Variants in ARL15 observed in about 807,000 individuals in gnomAD.
ARL15 encodes ADP-ribosylation factor-like protein 15.
In ARL15, 19 loss-of-function variants were observed where a neutral mutation model predicts 25.2. The observed-to-expected ratio is 0.75, with a 90% CI of 0.53 to 1.10. The LOEUF is 1.10. Among genes scored for constraint, ARL15 ranks in the 50% least tolerant of loss-of-function variants. ARL15 has a pLI of 0.00. For missense variants in ARL15, 220 were observed against 246.0 expected, an observed-to-expected ratio of 0.89 and a Z score of 0.71; for synonymous variants, 94 against 86.8, an observed-to-expected ratio of 1.08 and a Z score of -0.46.
intron 4 of ARL15, among the ~76,000 whole-genome samples, chr5:53,950,703 A>T (rs1184938181): frequency 6.6e-6 from 1 of 152,172 alleles, no homozygotes; most frequent in Non-Finnish European, 1.5e-5. Context: ...AGTTCATGTA[A>T]ACCAGTAGGT....
At chr5:53,959,452 G>A (rs1747288659) in intron 4 of ARL15, among the ~76,000 whole-genome samples, 1 of 152,132 alleles carries the variant, frequency 6.6e-6, no homozygotes, top group Admixed American at 6.5e-5. Context: ...ATATTTTGGT[G>A]GGGGAGATGA....
At chr5:53,951,461 T>A in intron 4 of ARL15, 1 of 469,094 alleles carries the variant, frequency 2.1e-6, no homozygotes, top group Non-Finnish European at 4.4e-6. Context: ...GTATTTATCT[T>A]CTTGCATACT....
intron 1 of ARL15, among the ~76,000 whole-genome samples, chr5:54,204,232 G>A (rs1422325364): frequency 6.6e-6 from 1 of 152,118 alleles, no homozygotes; most frequent in Non-Finnish European, 1.5e-5. Context: ...GTGAAGACAA[G>A]ACTGAACTTT....
intron 4 of ARL15, among the ~76,000 whole-genome samples, chr5:53,887,038 CA>C (rs938723821): frequency 2.0e-5 from 3 of 152,054 alleles, no homozygotes; most frequent in African/African-American, 7.3e-5. Context: ...TTGCAGACAC[CA>C]AAAGATTCGA....
chr5:54,093,452 A>G (rs1182379944), intron 4 of ARL15, among the ~76,000 whole-genome samples: 1 of 152,074 alleles, frequency 6.6e-6, no homozygotes, highest in Non-Finnish European at 1.5e-5. Flanking sequence ...CCCTGCACTC[A>G]CTTTGGCACA....
chr5:54,198,620 C>G (rs199693747), intron 1 of ARL15, among the ~76,000 whole-genome samples: 26,267 of 147,968 alleles, frequency 0.18, 3,003 homozygotes, highest in Admixed American at 0.3. Flanking sequence ...AGGAGAACTA[C>G]AAACCACTGC....
chr5:53,939,753 T>G (rs560080826), intron 4 of ARL15, among the ~76,000 whole-genome samples: 1 of 151,516 alleles, frequency 6.6e-6, no homozygotes, highest in East Asian at 2.0e-4. Context: ...TAAAATAAAA[T>G]AAAGAAAGAA....
intron 1 of ARL15, among the ~76,000 whole-genome samples, chr5:54,251,015 G>A (rs1301469938): frequency 1.3e-5 from 2 of 152,116 alleles, no homozygotes; most frequent in East Asian, 1.9e-4. Flanking sequence ...CTTTCAATCA[G>A]ATGCTATATT....
At chr5:54,084,045 G>C (rs1251317438) in intron 4 of ARL15, among the ~76,000 whole-genome samples, 1 of 152,172 alleles carries the variant, frequency 6.6e-6, no homozygotes, top group Non-Finnish European at 1.5e-5. Flanking sequence ...CCAAGGGGCT[G>C]AGTCGCCCAG....
chr5:54,304,967 G>T lies in ARL15; in HGVS notation c.48+5465C>A, dbSNP rs555399253. ...CTTTACAATTTCATAGTGCCTGTGG[G>T]CTCTACCCTTTGTAGCACATCATGG... On this transcript the variant is annotated intron_variant, in intron 1 of 4. Coordinates refer to ENST00000504924, the MANE Select transcript of ARL15 (RefSeq NM_019087.3). Among the ~76,000 whole-genome samples the T allele has an allele frequency of 8.6e-5, 13 of 152,016 alleles. No individual in the cohort carries two copies. The East Asian group carries it at 1.5e-3, about 18-fold the overall frequency.
Position 54,030,990 on chromosome 5 carries a change from C to A in ARL15, c.462+82212G>T, listed in dbSNP as rs545273824. Among the ~76,000 whole-genome samples, 796 of 152,272 alleles carry A rather than the reference C, an allele frequency of 5.2e-3. 3 individuals are homozygous for A. The highest frequency in any genetic ancestry group is 0.011 in the Admixed American group (174 of 15,302). On this transcript the variant is annotated intron_variant, in intron 4 of 4. Coordinates refer to ENST00000504924, the MANE Select transcript of ARL15 (RefSeq NM_019087.3). ...AGCCACCTGGAAACCACTGTAAATG[C>A]AAGTAGCACATACTTAGAGTCTGCT...
chr5:54,279,697 C>G (rs139410345), intron 1 of ARL15, among the ~76,000 whole-genome samples: 83 of 152,252 alleles, frequency 5.5e-4, no homozygotes, highest in African/African-American at 1.9e-3. Flanking sequence ...CCATGACCAG[C>G]CTTTCTTCAT....
chr5:54,306,763 T>C (rs547321430), intron 1 of ARL15, among the ~76,000 whole-genome samples: 85 of 152,344 alleles, frequency 5.6e-4, no homozygotes, highest in Non-Finnish European at 1.0e-3. Context: ...CACTATCTCA[T>C]TTAATCATCA....
intron 4 of ARL15, among the ~76,000 whole-genome samples, chr5:53,952,044 G>T (rs900271737): frequency 6.6e-6 from 1 of 151,734 alleles, no homozygotes; most frequent in African/African-American, 2.4e-5. Context: ...GAGGAGGGTG[G>T]ATCATGAGGT....
chr5:53,892,978 G>A (rs1357412899), intron 4 of ARL15, among the ~76,000 whole-genome samples: 1 of 152,106 alleles, frequency 6.6e-6, no homozygotes, highest in Non-Finnish European at 1.5e-5. Context: ...AGCCTGAATG[G>A]ACAGCAAAAT....
chr5:54,145,111 T>C (rs1320390770), intron 3 of ARL15, among the ~76,000 whole-genome samples: 2 of 152,188 alleles, frequency 1.3e-5, no homozygotes, highest in Non-Finnish European at 2.9e-5. Flanking sequence ...ATTTTGGCTA[T>C]GGAAGAAAAA....
chr5:53,936,752 A>G (rs1746359828), intron 4 of ARL15, among the ~76,000 whole-genome samples: 1 of 152,198 alleles, frequency 6.6e-6, no homozygotes, highest in Non-Finnish European at 1.5e-5. Context: ...TTTTATCTGC[A>G]TATAACCTGA....
intron 4 of ARL15, among the ~76,000 whole-genome samples, chr5:54,083,002 T>A (rs1258836899): frequency 6.6e-6 from 1 of 152,168 alleles, no homozygotes; most frequent in Admixed American, 6.5e-5. Flanking sequence ...CTACGAATCT[T>A]CATATTTTAG....
intron 4 of ARL15, among the ~76,000 whole-genome samples, chr5:54,006,427 G>T (rs10940357): frequency 0.2 from 29,156 of 148,748 alleles, 3,225 homozygotes; most frequent in East Asian, 0.46. Context: ...CAACAAAAAA[G>T]ATTTTTTTTT....
Sources: gnomAD v4.1 joint callset for allele counts (sites outside exome capture counted in the v4.1 genomes callset) on GRCh38, gnomAD v4.1.1 for gene constraint, MANE v1.5 for transcripts, NCBI Gene and HGNC (gene_info 2026-07-23, HGNC 2026-07-21) for gene names.